The following FILIP1L variants were observed in gnomAD, a reference collection of about 807,000 sequenced individuals.
FILIP1L encodes filamin A interacting protein 1 like.
FILIP1L carries 55 observed loss-of-function variants against 96.6 expected under a neutral mutation model. The observed-to-expected ratio is 0.57, with a 90% confidence interval of 0.46 to 0.71. The LOEUF (loss-of-function observed/expected upper bound fraction) is 0.71. Among genes scored for constraint, FILIP1L ranks in the 30% least tolerant of loss-of-function variants. The pLI is 0.00. For synonymous variants in FILIP1L, 467 were observed against 473.9 expected, an observed-to-expected ratio of 0.99 and a Z score of 0.19; for missense variants, 1,304 against 1,321.2, an observed-to-expected ratio of 0.99 and a Z score of 0.20.
chr3:99,989,204 G>A (rs1245842513), intron 1 of FILIP1L, among the ~76,000 whole-genome samples: 1 of 152,080 alleles, frequency 6.6e-6, no homozygotes, highest in Non-Finnish European at 1.5e-5. Context: ...GTTTAGTGAG[G>A]CTTATGACTC....
At chr3:99,947,405 T>A (rs1308806803) in intron 1 of FILIP1L, among the ~76,000 whole-genome samples, 1 of 152,234 alleles carries the variant, frequency 6.6e-6, no homozygotes, top group African/African-American at 2.4e-5. Flanking sequence ...CCATTATTTA[T>A]GTAACCATTC....
chr3:100,101,566 A>G (rs1031611751), intron 1 of FILIP1L, among the ~76,000 whole-genome samples: 3 of 152,224 alleles, frequency 2.0e-5, no homozygotes, highest in South Asian at 2.1e-4. Flanking sequence ...AAAGTAACAC[A>G]TGCACTCTCT....
At chr3:99,892,615 T>C (rs190723121) in intron 4 of FILIP1L, among the ~76,000 whole-genome samples, 1 of 152,296 alleles carries the variant, frequency 6.6e-6, no homozygotes, top group Admixed American at 6.5e-5. Context: ...GTTCCAGGCA[T>C]CTCATCCAAA....
chr3:99,957,177 A>G (rs1708344091), intron 1 of FILIP1L, among the ~76,000 whole-genome samples: 1 of 152,224 alleles, frequency 6.6e-6, no homozygotes, highest in Non-Finnish European at 1.5e-5. Flanking sequence ...GGAGTGACAA[A>G]ACATTCATCA....
chr3:100,030,370 A>G (rs1221961671), intron 1 of FILIP1L, among the ~76,000 whole-genome samples: 1 of 152,126 alleles, frequency 6.6e-6, no homozygotes, highest in Non-Finnish European at 1.5e-5. Flanking sequence ...CATGAAAGAA[A>G]CTTGGACTCA....
At chr3:99,905,431 G>A (rs1706583182) in intron 4 of FILIP1L, among the ~76,000 whole-genome samples, 1 of 152,052 alleles carries the variant, frequency 6.6e-6, no homozygotes, top group Non-Finnish European at 1.5e-5. Flanking sequence ...TTGTCATCAG[G>A]GCCCACAGCA....
At chr3:100,021,255 T>C (rs563982066) in intron 1 of FILIP1L, among the ~76,000 whole-genome samples, 3 of 152,226 alleles carry the variant, frequency 2.0e-5, no homozygotes, top group Non-Finnish European at 4.4e-5. Context: ...TGACACCCTA[T>C]AGAGCTCTCC....
At chr3:99,834,209 CAGGAAAGGGTCTTTCAA>C (rs1325103957) in intron 5 of FILIP1L, among the ~76,000 whole-genome samples, 1 of 152,188 alleles carries the variant, frequency 6.6e-6, no homozygotes, top group African/African-American at 2.4e-5. Context: ...ACGCTTTATA[CAGGAAAGGGTCTTTCAA>C]AGGAAAGCTG....
chr3:99,984,743 A>T (rs556826653), intron 1 of FILIP1L, among the ~76,000 whole-genome samples: 1 of 152,224 alleles, frequency 6.6e-6, no homozygotes, highest in Non-Finnish European at 1.5e-5. Flanking sequence ...AGAAAGATCT[A>T]TGTTTTACTC....
intron 1 of FILIP1L, among the ~76,000 whole-genome samples, chr3:100,095,626 A>G (rs1324606026): frequency 6.6e-6 from 1 of 152,170 alleles, no homozygotes. Context: ...AACCAAAATG[A>G]ATTAAAGACT....
intron 1 of FILIP1L, among the ~76,000 whole-genome samples, chr3:100,096,290 A>T (rs1199997984): frequency 8.2e-6 from 1 of 121,728 alleles, no homozygotes; most frequent in African/African-American, 3.1e-5. Flanking sequence ...AAATCAGTAT[A>T]GCAAAGAGAG....
At chr3:100,016,084 A>G (rs1255714566) in intron 1 of FILIP1L, among the ~76,000 whole-genome samples, 1 of 152,188 alleles carries the variant, frequency 6.6e-6, no homozygotes, top group Non-Finnish European at 1.5e-5. Flanking sequence ...ACTTCATTTC[A>G]GCAAGTGTGA....
At chr3:99,968,857 G>A (rs1708730897) in intron 1 of FILIP1L, among the ~76,000 whole-genome samples, 1 of 152,174 alleles carries the variant, frequency 6.6e-6, no homozygotes, top group Non-Finnish European at 1.5e-5. Context: ...TAAATGGGTA[G>A]GGTAAGAAAG....
At chr3:100,111,816 G>C (rs2066495918) in intron 1 of FILIP1L, among the ~76,000 whole-genome samples, 1 of 152,096 alleles carries the variant, frequency 6.6e-6, no homozygotes, top group South Asian at 2.1e-4. Context: ...CTCAAAGAAG[G>C]CTCAAGTATT....
Position 99,850,036 on chromosome 3 carries a change from A to G in FILIP1L, c.1640T>C (p.Leu547Pro), listed in dbSNP as rs1416464304. 1.9e-6 allele frequency: 3 copies of G among 1,609,622 alleles called. No homozygotes were observed. Among genetic ancestry groups the G allele is most frequent in the South Asian group, 2.2e-5 (2 of 89,458 alleles). ...TTCTTCTACATCGGTTTTGGACTTG[A>G]GCGCCCTTTTAGTTTCCTCAATTAA... ...EKLIEETKRA[L>P]KSKTDVEEKM... Residue 547 changes from leucine (L) to proline (P), a missense_variant, in exon 5 of 6, where the codon CTC (leucine) becomes CCC (proline). Physicochemically the swap from Leu to Pro is moderately conservative, Grantham distance 98 (BLOSUM62 -3). Transcript: ENST00000477258.
At chr3:100,102,134 C>G (rs989529373) in intron 1 of FILIP1L, among the ~76,000 whole-genome samples, 5 of 152,038 alleles carry the variant, frequency 3.3e-5, no homozygotes, top group African/African-American at 1.2e-4. Flanking sequence ...GGGTATATAC[C>G]CAGTAATGGG....
chr3:100,059,704 T>C (rs1237194123), intron 1 of FILIP1L, among the ~76,000 whole-genome samples: 2 of 152,130 alleles, frequency 1.3e-5, no homozygotes, highest in African/African-American at 4.8e-5. Flanking sequence ...AAGTCAGTCA[T>C]TACACAACTC....
At chr3:100,101,662 C>T (rs574401658) in intron 1 of FILIP1L, among the ~76,000 whole-genome samples, 2 of 152,128 alleles carry the variant, frequency 1.3e-5, no homozygotes, top group East Asian at 1.9e-4. Flanking sequence ...GGTACATGTG[C>T]ACAATGTGCA....
At chr3:100,087,857 GTC>G (rs775886042) in intron 1 of FILIP1L, among the ~76,000 whole-genome samples, 78 of 107,004 alleles carry the variant, frequency 7.3e-4, no homozygotes, top group Non-Finnish European at 1.2e-3. Flanking sequence ...TTTTTTTTGA[GTC>G]TCACTCTGTC....
Sources: allele counts gnomAD v4.1 joint callset (sites outside exome capture counted in the v4.1 genomes callset), GRCh38; gene constraint gnomAD v4.1.1; transcripts MANE v1.5; gene names NCBI Gene and HGNC (gene_info 2026-07-23, HGNC 2026-07-21).